KPNA1: variants seen among roughly 807,000 people sequenced by gnomAD.
The protein encoded by KPNA1 is importin subunit alpha-5.
In KPNA1, 10 loss-of-function variants were observed where a neutral mutation model predicts 70.5. That is an observed-to-expected ratio of 0.14 (90% CI 0.09 to 0.24). The LOEUF is 0.24. Among genes scored for constraint, KPNA1 ranks in the 10% least tolerant of loss-of-function variants. The pLI is 1.00. For missense variants in KPNA1, 397 were observed against 637.9 expected (o/e 0.62, Z 4.07); for synonymous variants, 192 against 221.9 (o/e 0.87, Z 1.20).
intron 2 of KPNA1, among the ~76,000 whole-genome samples, chr3:122,481,715 G>A (rs1203440883): frequency 2.6e-5 from 4 of 152,214 alleles, no homozygotes; most frequent in Admixed American, 2.6e-4. Context: ...TAAAGCCAAT[G>A]CTAGCTAACA....
intron 2 of KPNA1, among the ~76,000 whole-genome samples, chr3:122,495,206 C>T (rs901300238): frequency 1.1e-4 from 16 of 146,508 alleles, no homozygotes; most frequent in East Asian, 8.6e-4. Context: ...GCCAAGATCA[C>T]GCCACCATAC....
chr3:122,457,068 T>C (rs1453616153), intron 5 of KPNA1, among the ~76,000 whole-genome samples: 1 of 152,150 alleles, frequency 6.6e-6, no homozygotes, highest in Non-Finnish European at 1.5e-5. Context: ...AGAATTTCCC[T>C]GAGTATAGGC....
rs759889103 is a variant in KPNA1, at chr3:122,433,648, G to C, written c.1250+13C>G. The C allele has an allele frequency of 1.3e-6, 2 of 1,581,414 alleles. No individual in the cohort carries two copies. Among genetic ancestry groups the C allele is most frequent in the Non-Finnish European group, 1.7e-6 (2 of 1,168,486 alleles). On this transcript the variant is annotated intron_variant, in intron 12 of 13. Transcript: ENST00000344337. ...TTCTTTAACTTACAATATGCTGCCT[G>C]ATTGGTACTTACTTGATCTGTTCAG...
intron 3 of KPNA1, among the ~76,000 whole-genome samples, chr3:122,466,514 G>A (rs192586362): frequency 2.1e-4 from 32 of 151,330 alleles, no homozygotes; most frequent in East Asian, 5.8e-4. Flanking sequence ...TTAAAATTAC[G>A]TAATTACAAT....
Position 122,425,799 on chromosome 3 carries a change from C to T in KPNA1, c.*1186G>A, listed in dbSNP as rs1205957246. The T allele has an allele frequency of 6.6e-6, 1 of 152,528 alleles. No individual in the cohort carries two copies. Among genetic ancestry groups the T allele is most frequent in the African/African-American group, 2.4e-5 (1 of 41,412 alleles). The allele number at this position is 152,528 out of a possible 1,614,324, so 9.4% of individuals were successfully genotyped here. The stretch of plus-strand genomic sequence containing the variant: ...ACAATGAGGTTATAAGATCACTGTT[C>T]TTATTTGGGTTAAGCAGGTCATGTT... On this transcript the variant is annotated 3_prime_UTR_variant, in exon 14 of 14. Transcript: ENST00000344337.
At chr3:122,464,592 G>C (rs2076360520) in intron 3 of KPNA1, among the ~76,000 whole-genome samples, 1 of 152,124 alleles carries the variant, frequency 6.6e-6, no homozygotes, top group East Asian at 1.9e-4. Flanking sequence ...AAATAGAGTG[G>C]TCCTGTATAA....
chr3:122,463,719 C>A (rs980900538), intron 4 of KPNA1, among the ~76,000 whole-genome samples: 1 of 151,812 alleles, frequency 6.6e-6, no homozygotes, highest in Non-Finnish European at 1.5e-5. Flanking sequence ...ATAAAATAAC[C>A]CAAAAATGAA....
intron 2 of KPNA1, among the ~76,000 whole-genome samples, chr3:122,495,084 T>C (rs1322352362): frequency 1.3e-5 from 2 of 151,828 alleles, no homozygotes; most frequent in East Asian, 3.9e-4. Flanking sequence ...ACCCTGTCTC[T>C]ACTAAAAATA....
intron 9 of KPNA1, among the ~76,000 whole-genome samples, chr3:122,446,787 AAGAAAAG>A (rs1576293594): frequency 6.6e-6 from 1 of 152,178 alleles, no homozygotes; most frequent in African/African-American, 2.4e-5. Context: ...AAGACTAATA[AAGAAAAG>A]AGAAAAGAAT....
At chr3:122,512,497 G>A (rs1279774981) in intron 1 of KPNA1, among the ~76,000 whole-genome samples, 1 of 152,204 alleles carries the variant, frequency 6.6e-6, no homozygotes, top group Non-Finnish European at 1.5e-5. Context: ...CGAGGAGGGC[G>A]GATTGCGTGA....
At chr3:122,431,679 T>C (rs949838296) in intron 12 of KPNA1, among the ~76,000 whole-genome samples, 5 of 152,236 alleles carry the variant, frequency 3.3e-5, no homozygotes, top group African/African-American at 1.2e-4. Flanking sequence ...TAAATAGCTA[T>C]GCTGAATTTT....
At chr3:122,469,528 G>C (rs1044434618) in intron 2 of KPNA1, among the ~76,000 whole-genome samples, 3 of 152,138 alleles carry the variant, frequency 2.0e-5, no homozygotes, top group African/African-American at 7.2e-5. Flanking sequence ...ATTTCGAGTT[G>C]GTCTGGCAAT....
In KPNA1 at chr3:122,433,644, G is replaced by A; in HGVS notation, c.1250+17C>T. On this transcript the variant is annotated intron_variant, in intron 12 of 13. Transcript: ENST00000344337. ...ATTTTTCTTTAACTTACAATATGCT[G>A]CCTGATTGGTACTTACTTGATCTGT... 1 of 1,574,720 alleles carries A rather than the reference G, an allele frequency of 6.4e-7. No individual in the cohort carries two copies. Among genetic ancestry groups the A allele is most frequent in the Non-Finnish European group, 8.6e-7 (1 of 1,164,574 alleles).
chr3:122,453,146 T>G (rs2076229958), intron 6 of KPNA1, among the ~76,000 whole-genome samples: 1 of 152,104 alleles, frequency 6.6e-6, no homozygotes, highest in Admixed American at 6.5e-5. Context: ...GGTTTCGCCA[T>G]GTTGCCCTGG....
At chr3:122,483,560 G>A (rs2076595782) in intron 2 of KPNA1, among the ~76,000 whole-genome samples, 2 of 152,214 alleles carry the variant, frequency 1.3e-5, no homozygotes, top group Admixed American at 6.5e-5. Flanking sequence ...GGCCAGGCTG[G>A]TCTTGAACTC....
intron 5 of KPNA1, among the ~76,000 whole-genome samples, chr3:122,458,050 A>G (rs1161506592): frequency 1.3e-5 from 2 of 152,232 alleles, no homozygotes; most frequent in Non-Finnish European, 2.9e-5. Flanking sequence ...AAGGCAGAAA[A>G]GGGGAAACTA....
intron 2 of KPNA1, among the ~76,000 whole-genome samples, chr3:122,483,505 T>C (rs1050994793): frequency 2.6e-5 from 4 of 152,054 alleles, no homozygotes; most frequent in Admixed American, 2.6e-4. Flanking sequence ...CTACCACACC[T>C]GGCTAATTTT....
intron 11 of KPNA1, among the ~76,000 whole-genome samples, 187 bp downstream of exon 11, chr3:122,436,983 T>C (rs1377659010): frequency 1.3e-5 from 2 of 152,214 alleles, no homozygotes; most frequent in African/African-American, 4.8e-5. Flanking sequence ...TTTCAGCATG[T>C]TGACCAGGAT....
At chr3:122,478,891 T>A in intron 2 of KPNA1, among the ~76,000 whole-genome samples, 1 of 36,312 alleles carries the variant, frequency 2.8e-5, no homozygotes, top group African/African-American at 7.9e-5. Flanking sequence ...CAAAACCTCG[T>A]CTCAAAAAAA....
Sources: allele counts gnomAD v4.1 joint callset (sites outside exome capture counted in the v4.1 genomes callset), GRCh38; gene constraint gnomAD v4.1.1; transcripts MANE v1.5; gene names NCBI Gene and HGNC (gene_info 2026-07-23, HGNC 2026-07-21).